Variants in ZNFX1 observed in about 807,000 individuals in gnomAD.
ZNFX1 encodes the protein NFX1-type zinc finger-containing protein 1.
Under a neutral mutation model 179.8 loss-of-function variants are expected in ZNFX1, and 78 were observed. The observed-to-expected ratio is 0.43, with a 90% CI of 0.36 to 0.52. The LOEUF (loss-of-function observed/expected upper bound fraction) is 0.52, where lower values mean the gene tolerates loss of function less well. Ranked by LOEUF, ZNFX1 falls within the 20% of genes least tolerant of loss-of-function variation. The pLI, the probability that ZNFX1 is intolerant of heterozygous loss-of-function variation, is 0.00. For missense variants in ZNFX1, 1,927 were observed against 2,386.6 expected (o/e 0.81, Z 4.01); for synonymous variants, 848 against 868.5 (o/e 0.98, Z 0.42).
rs1278080584 is a variant in ZNFX1 at position 49,247,115 on chromosome 20, C to T, written c.*152G>A. 1 of 1,027,820 alleles carries T rather than the reference C, an allele frequency of 9.7e-7. No individual in the cohort carries two copies. Among genetic ancestry groups the T allele is most frequent in the Non-Finnish European group, 1.4e-6 (1 of 719,568 alleles). 63.7% of individuals were successfully genotyped at this position (1,027,820 alleles called of 1,614,324 possible). On this transcript the variant is annotated 3_prime_UTR_variant, in exon 14 of 14. Coordinates refer to ENST00000396105, the MANE Select transcript of ZNFX1 (RefSeq NM_021035.3). ...AACTCCTGACCTCGTGATCCGCCTG[C>T]CTCGGCCTCCCAAAGTGCTGGGATT... is the stretch of plus-strand genomic sequence containing the variant.
At chr20:49,268,464 C>T (rs537367280) in intron 3 of ZNFX1, among the ~76,000 whole-genome samples, 25 of 152,138 alleles carry the variant, frequency 1.6e-4, no homozygotes, top group African/African-American at 5.5e-4. Flanking sequence ...ATGCCCATTT[C>T]GGGAGGAATG....
rs148573997 is a variant in ZNFX1, at chr20:49,271,316, T to C, written c.496A>G (p.Thr166Ala). ...DPSEVVITLA[T>A]SLGLKELLSH... ...AGGAGCTCTTTCAGCCCTAAACTTG[T>C]GGCAAGTGTGATGACCACCTCAGAA... The change falls in exon 3 of 14, where the codon ACA becomes GCA. Residue 166 changes from threonine (T) to alanine (A), a missense_variant. Transcript: ENST00000396105. The C allele has an allele frequency of 1.2e-3, 1,991 of 1,614,186 alleles. 12 individuals carry two copies. Among genetic ancestry groups the C allele is most frequent in the Non-Finnish European group, 7.6e-4 (891 of 1,180,034 alleles).
intron 12 of ZNFX1, among the ~76,000 whole-genome samples, chr20:49,251,925 G>A (rs1458414273): frequency 6.6e-6 from 1 of 151,284 alleles, no homozygotes; most frequent in African/African-American, 2.4e-5. Context: ...TGCCTCCCAG[G>A]TTCTAGTGAT....
rs886183545 is a variant in ZNFX1 at position 49,247,021 on chromosome 20, A to G, written c.*246T>C. ...GTAGCTGGGATTACAGGCGCCCGCC[A>G]TAACGCCCAGCTAATTTTTGTATTT... is the stretch of plus-strand genomic sequence containing the variant. On this transcript the variant is annotated 3_prime_UTR_variant, in exon 14 of 14. Transcript: ENST00000396105. 31 of 477,590 alleles carry G rather than the reference A, an allele frequency of 6.5e-5. No homozygotes were observed. Among genetic ancestry groups the G allele is most frequent in the Non-Finnish European group, 1.1e-4 (29 of 263,372 alleles). 29.6% of individuals were successfully genotyped at this position (477,590 alleles called of 1,614,324 possible).
rs1216024132 is a variant in ZNFX1, at chr20:49,271,108, T to C, written c.704A>G (p.Asp235Gly). The change falls in exon 3 of 14, where the codon GAC becomes GGC. Residue 235 changes from aspartate to glycine, a missense_variant. By Grantham distance (94) the Asp-to-Gly change is moderately conservative (BLOSUM62 -1). Coordinates refer to ENST00000396105, the MANE Select transcript of ZNFX1 (RefSeq NM_021035.3). ...GTGCTCTGGATACTGGTTTCGGATGTCAGGGATGGGTTCAGTGATCATCCC... is the reference window on the plus strand; with the variant it reads ...GTGCTCTGGATACTGGTTTCGGATGCCAGGGATGGGTTCAGTGATCATCCC... ...VVGMITEPIP[D>G]IRNQYPEHIS... The C allele has an allele frequency of 6.2e-7, 1 of 1,614,154 alleles. No individual in the cohort carries two copies. The highest frequency in any genetic ancestry group is 1.7e-5 in the Admixed American group (1 of 60,014).
Position 49,257,526 on chromosome 20 carries a change from T to C in ZNFX1, c.2555A>G (p.Glu852Gly), listed in dbSNP as rs61729993. 9,807 of 1,613,794 alleles carry C rather than the reference T, an allele frequency of 6.1e-3. 204 individuals are homozygous for C. The highest frequency in any genetic ancestry group is 0.049 in the South Asian group (4,461 of 91,056). ...EVVRPQRRKK[E>G]ESGADQELAK... is the part of the protein sequence containing the mutation. ...CAACTCCTGGTCTGCTCCACTCTCT[T>C]CCTTCTTCCGCCGCTGGGGCCTCAC... is the stretch of plus-strand genomic sequence containing the variant. Residue 852 changes from glutamate to glycine, a missense_variant, in exon 8 of 14, where the codon GAA (glutamate) becomes GGA (glycine). Transcript: ENST00000396105.
chr20:49,263,383 T>C lies in ZNFX1; in HGVS notation c.2252A>G (p.Lys751Arg). 6.2e-7 allele frequency: 1 copy of C among 1,614,024 alleles called. No individual in the cohort carries two copies. The highest frequency in any genetic ancestry group is 8.5e-7 in the Non-Finnish European group (1 of 1,180,028). The change falls in exon 6 of 14, where the codon AAG (lysine) becomes AGG (arginine). Residue 751 changes from lysine (K) to arginine (R), a missense_variant. Lys to Arg is a conservative substitution (Grantham distance 26). Coordinates refer to ENST00000396105, the MANE Select transcript of ZNFX1 (RefSeq NM_021035.3). ...TTCCCAGTGCTGGGGTGAGATGTAC[T>C]TCTGCAGGTACTGTTCCCGTAGGAC... ...RGVLREQYLQ[K>R]YISPQHWESL... is the part of the protein sequence containing the mutation.
At chr20:49,263,630 G>T in intron 5 of ZNFX1, 147 bp from the exon 6 acceptor site, 2 of 987,298 alleles carry the variant, frequency 2.0e-6, no homozygotes, top group Non-Finnish European at 3.0e-6. Flanking sequence ...ATTTCCCAAG[G>T]CACATTATTG....
At chr20:49,266,670 C>T (rs954498458) in intron 3 of ZNFX1, among the ~76,000 whole-genome samples, 2 of 101,984 alleles carry the variant, frequency 2.0e-5, no homozygotes, top group Non-Finnish European at 4.4e-5. Flanking sequence ...TCCCCCCCAC[C>T]CCCCCCTTTC....
chr20:49,260,873 G>A (rs374189059), intron 6 of ZNFX1, among the ~76,000 whole-genome samples: 2 of 152,170 alleles, frequency 1.3e-5, no homozygotes, highest in South Asian at 2.1e-4. Context: ...CTGAGGTCAC[G>A]AGTTTGAGAC....
At chr20:49,264,961 T>C in intron 4 of ZNFX1, 97 bp from the exon 5 acceptor site, 1 of 1,529,076 alleles carries the variant, frequency 6.5e-7, no homozygotes, top group Non-Finnish European at 9.0e-7. Flanking sequence ...TCTGGTCCCT[T>C]AGAGAATAAA....
rs1980706901 is a variant in ZNFX1, at chr20:49,247,457, A to T, written c.5567T>A (p.Val1856Glu). The change falls in exon 14 of 14, where the codon GTG (valine) becomes GAG (glutamate). Residue 1856 changes from valine (V) to glutamate (E), a missense_variant. By Grantham distance (121) the Val-to-Glu change is moderately radical. Transcript: ENST00000396105. The stretch of plus-strand genomic sequence containing the variant: ...CATGGCTCCCCCACAATCGCCAATC[A>T]CATAGATATGGCCATTGCGGCACTT... ...WFKCRNGHIY[V>E]IGDCGGAMER... is the part of the protein sequence containing the mutation. 1 of 1,614,052 alleles carries T rather than the reference A, an allele frequency of 6.2e-7. No individual in the cohort carries two copies. The highest frequency in any genetic ancestry group is 8.5e-7 in the Non-Finnish European group (1 of 1,180,044).
At chr20:49,276,003 G>T in intron 1 of ZNFX1, 116 bp from the exon 2 acceptor site, 1 of 630,966 alleles carries the variant, frequency 1.6e-6, no homozygotes, top group Non-Finnish European at 2.8e-6. Flanking sequence ...GTTAACTAAG[G>T]GTTAAATACA....
At position 49,271,238 on chromosome 20, in the gene ZNFX1, G is replaced by A. The variant is rs769208606; in HGVS notation, c.574C>T (p.Arg192Trp). 7 of 1,614,036 alleles carry A rather than the reference G, an allele frequency of 4.3e-6. No homozygotes were observed. The highest frequency in any genetic ancestry group is 1.6e-4 in the Middle Eastern group (1 of 6,084). ...TCCATTTTGGAGCTACAAGCCTTCC[G>A]AAGAACCTGACAGATGAGCTCAAGG... ...NFLELICQVL[R>W]KACSSKMDRQ... Residue 192 changes from arginine to tryptophan, a missense_variant, in exon 3 of 14, where the codon CGG becomes TGG. Physicochemically the swap from Arg to Trp is moderately radical, Grantham distance 101 (BLOSUM62 -3). Transcript: ENST00000396105.
rs757689863 is a variant in ZNFX1, at chr20:49,260,488, A to G, written c.2391T>C (p.Val797=). ...CTGTATTCTCAGGTCCTGCTGGAGA[A>G]ACACTTTGCGTGAAAGAACCGACAC... ...GLGVGSFTQS[V]SPAGPENTAQ... Residue 797 remains valine (V), a synonymous_variant, in exon 7 of 14, where the codon GTT becomes GTC. Transcript: ENST00000396105. 15 of 1,613,234 alleles carry G rather than the reference A, an allele frequency of 9.3e-6. No individual in the cohort carries two copies. The highest frequency in any genetic ancestry group is 1.3e-5 in the African/African-American group (1 of 74,890).
At chr20:49,252,676 C>T in intron 12 of ZNFX1, 44 bp downstream of exon 12, 1 of 1,484,918 alleles carries the variant, frequency 6.7e-7, no homozygotes, top group Non-Finnish European at 9.4e-7. Flanking sequence ...TTCCCAGGAG[C>T]TTTCTCCTGG....
intron 3 of ZNFX1, 141 bp downstream of exon 3, chr20:49,269,801 A>T: frequency 1.0e-6 from 1 of 997,106 alleles, no homozygotes; most frequent in South Asian, 1.8e-5. Flanking sequence ...ACAAACCTGC[A>T]CATGTACCCC....
At chr20:49,252,872 T>C in intron 11 of ZNFX1, 42 bp from the exon 12 acceptor site, 2 of 1,483,388 alleles carry the variant, frequency 1.3e-6, no homozygotes, top group Non-Finnish European at 1.9e-6. Flanking sequence ...ACTGATAAAG[T>C]CATTTAACCA....
At position 49,257,813 on chromosome 20, in the gene ZNFX1, G is replaced by A. The variant is rs1324461110; in HGVS notation, c.2417-149C>T. On this transcript the variant is annotated intron_variant, in intron 7 of 13. Transcript: ENST00000396105. ...GCCTCCTGGGTTCAAGTGATTCTCC[G>A]GCCTCAGCCTCCTGAGTAGCTGGGA... The A allele has an allele frequency of 9.0e-6, 12 of 1,339,932 alleles. No individual in the cohort carries two copies. In the East Asian group the frequency reaches 1.0e-4, roughly 11 times the overall value. 83.0% of individuals were successfully genotyped at this position (1,339,932 alleles called of 1,614,324 possible).
Sources: gnomAD v4.1 joint callset for allele counts (sites outside exome capture counted in the v4.1 genomes callset) on GRCh38, gnomAD v4.1.1 for gene constraint, MANE v1.5 for transcripts, NCBI Gene and HGNC (gene_info 2026-07-23, HGNC 2026-07-21) for gene names.